SORCS3: variants seen among roughly 807,000 people sequenced by gnomAD.
SORCS3 encodes the protein sortilin related VPS10 domain containing receptor 3.
In SORCS3, 57 loss-of-function variants were observed where a neutral mutation model predicts 146.3. The ratio of observed to expected loss-of-function variants is 0.39; its 90% confidence interval spans 0.31 to 0.49. SORCS3 has a LOEUF of 0.49. Ranked by LOEUF, SORCS3 falls within the 20% of genes least tolerant of loss-of-function variation. SORCS3 has a pLI of 0.92. For synonymous variants in SORCS3, 653 were observed against 618.5 expected (o/e 1.06, Z -0.83); for missense variants, 1,341 against 1,575.5 (o/e 0.85, Z 2.52).
intron 16 of SORCS3, among the ~76,000 whole-genome samples, chr10:105,209,320 T>G (rs2056621126): frequency 6.6e-6 from 1 of 151,976 alleles, no homozygotes. Flanking sequence ...TTTGTGTATT[T>G]TTAGTAGAGA....
chr10:105,242,143 A>G (rs1431994535), intron 20 of SORCS3, among the ~76,000 whole-genome samples: 1 of 151,280 alleles, frequency 6.6e-6, no homozygotes, highest in Non-Finnish European at 1.5e-5. Flanking sequence ...TTATAAAACT[A>G]AACATTTTCC....
At chr10:105,212,961 A>G (rs191659476) in intron 17 of SORCS3, among the ~76,000 whole-genome samples, 1 of 152,228 alleles carries the variant, frequency 6.6e-6, no homozygotes, top group East Asian at 1.9e-4. Flanking sequence ...AGCCACATTA[A>G]AAATGTAAAA....
intron 1 of SORCS3, among the ~76,000 whole-genome samples, chr10:104,707,680 T>G (rs749256096): frequency 8.5e-5 from 13 of 152,196 alleles, no homozygotes; most frequent in Admixed American, 2.6e-4. Context: ...GGGGTTGAGA[T>G]ACCCTGGGCA....
At chr10:105,258,804 C>A (rs1260584058) in intron 25 of SORCS3, among the ~76,000 whole-genome samples, 1 of 152,144 alleles carries the variant, frequency 6.6e-6, no homozygotes, top group Non-Finnish European at 1.5e-5. Context: ...TTTTCTGTGT[C>A]CCTGACAGTG....
chr10:104,806,045 G>C (rs1007077977), intron 1 of SORCS3, among the ~76,000 whole-genome samples: 8 of 152,162 alleles, frequency 5.3e-5, no homozygotes, highest in African/African-American at 1.9e-4. Context: ...ATATTTGGGG[G>C]TTAATATTTT....
At chr10:104,774,422 T>TC (rs977815585) in intron 1 of SORCS3, among the ~76,000 whole-genome samples, 1 of 152,138 alleles carries the variant, frequency 6.6e-6, no homozygotes, top group Non-Finnish European at 1.5e-5. Context: ...CGCTGCCATT[T>TC]CCCCGGGGGA....
chr10:104,746,504 T>A (rs1241851980), intron 1 of SORCS3, among the ~76,000 whole-genome samples: 13 of 152,266 alleles, frequency 8.5e-5, no homozygotes, highest in Non-Finnish European at 1.5e-5. Context: ...ATACTTACCA[T>A]TTTTTGTGGT....
intron 20 of SORCS3, among the ~76,000 whole-genome samples, chr10:105,234,750 T>G (rs574835420): frequency 6.6e-6 from 1 of 152,072 alleles, no homozygotes; most frequent in South Asian, 2.1e-4. Context: ...CTGTTTACAT[T>G]GCTCATCTGT....
At chr10:104,861,118 T>G (rs2018396306) in intron 2 of SORCS3, among the ~76,000 whole-genome samples, 1 of 152,096 alleles carries the variant, frequency 6.6e-6, no homozygotes, top group African/African-American at 2.4e-5. Context: ...TTGGAACAGG[T>G]CTCAACTCCC....
At chr10:105,154,742 A>T (rs1261009164) in intron 9 of SORCS3, among the ~76,000 whole-genome samples, 1 of 152,202 alleles carries the variant, frequency 6.6e-6, no homozygotes, top group African/African-American at 2.4e-5. Flanking sequence ...TTGTCTTAGA[A>T]ATATATGTGT....
intron 19 of SORCS3, 38 bp downstream of exon 19, chr10:105,217,160 C>T (rs2056670483): frequency 6.2e-7 from 1 of 1,605,900 alleles, no homozygotes; most frequent in Non-Finnish European, 8.5e-7. Context: ...CCCTTTGTTC[C>T]CAGTTGGCAA....
chr10:105,099,785 G>A (rs964704), intron 6 of SORCS3, among the ~76,000 whole-genome samples: 16,106 of 152,168 alleles, frequency 0.11, 1,074 homozygotes, highest in Admixed American at 0.16. Flanking sequence ...GGCTAAGGGC[G>A]TCAGATTTTC....
At chr10:104,776,253 G>A (rs1044678734) in intron 1 of SORCS3, among the ~76,000 whole-genome samples, 1 of 152,074 alleles carries the variant, frequency 6.6e-6, no homozygotes, top group Non-Finnish European at 1.5e-5. Context: ...AGGTTTTCTG[G>A]AAGAAGCAAG....
chr10:104,696,380 T>TACA lies in SORCS3; in HGVS notation c.627+54427_627+54428insCAA, dbSNP rs2016194686. 6.1e-4 allele frequency among the ~76,000 whole-genome samples: 40 copies of TACA among 65,670 alleles called. 16 individuals carry two copies. The highest frequency in any genetic ancestry group is 1.9e-3 in the South Asian group (4 of 2,148). The allele number at this position is 65,670 out of a possible 152,430, so 43.1% of individuals were successfully genotyped here. A position where few individuals can be genotyped will look rare whatever the true frequency, so the allele number is the denominator to read the frequency against. The stretch of plus-strand genomic sequence containing the variant: ...TATATATCATATATAGTATATAATA[T>TACA]ATATTATATAATATATAATATATAA... On this transcript the variant is annotated intron_variant, in intron 1 of 26. Coordinates refer to ENST00000369701, the MANE Select transcript of SORCS3 (RefSeq NM_014978.3).
intron 11 of SORCS3, among the ~76,000 whole-genome samples, chr10:105,160,229 T>C (rs568281173): frequency 6.6e-6 from 1 of 152,240 alleles, no homozygotes; most frequent in Non-Finnish European, 1.5e-5. Flanking sequence ...CATTGTTCTT[T>C]GTGGGTTGAC....
At chr10:104,663,048 CT>C (rs2015722253) in intron 1 of SORCS3, among the ~76,000 whole-genome samples, 1 of 152,204 alleles carries the variant, frequency 6.6e-6, no homozygotes, top group African/African-American at 2.4e-5. Flanking sequence ...GAAGCCCACA[CT>C]GCCGTCTCTC....
At chr10:104,937,327 C>T (rs1189873895) in intron 3 of SORCS3, among the ~76,000 whole-genome samples, 2 of 152,150 alleles carry the variant, frequency 1.3e-5, no homozygotes, top group African/African-American at 4.8e-5. Context: ...CCACGTGGAT[C>T]AATGGTTTTT....
At chr10:105,257,452 T>C (rs2056938235) in intron 25 of SORCS3, among the ~76,000 whole-genome samples, 2 of 152,104 alleles carry the variant, frequency 1.3e-5, no homozygotes. Context: ...GAGAAATTGA[T>C]TAGGAGAACA....
At chr10:104,917,147 C>T (rs1257776670) in intron 3 of SORCS3, among the ~76,000 whole-genome samples, 4 of 152,120 alleles carry the variant, frequency 2.6e-5, no homozygotes, top group Non-Finnish European at 5.9e-5. Flanking sequence ...CTAGACTGTG[C>T]CCACTAGCCA....
Sources: allele counts gnomAD v4.1 joint callset (sites outside exome capture counted in the v4.1 genomes callset), GRCh38; gene constraint gnomAD v4.1.1; transcripts MANE v1.5; gene names NCBI Gene and HGNC (gene_info 2026-07-23, HGNC 2026-07-21).